The following NXPH2 variants were observed in gnomAD, a reference collection of about 807,000 sequenced individuals.
NXPH2 encodes neurexophilin 2.
In NXPH2, 5 loss-of-function variants were observed where a neutral mutation model predicts 19.8. The observed-to-expected ratio is 0.25, with a 90% CI of 0.13 to 0.53. NXPH2 has a LOEUF of 0.53. Among genes scored for constraint, NXPH2 ranks in the 20% least tolerant of loss-of-function variants. The pLI, the probability that NXPH2 is intolerant of heterozygous loss-of-function variation, is 0.96. For missense variants in NXPH2, 289 were observed against 322.8 expected, an observed-to-expected ratio of 0.90 and a Z score of 0.80; for synonymous variants, 154 against 127.4, an observed-to-expected ratio of 1.21 and a Z score of -1.41.
intron 1 of NXPH2, among the ~76,000 whole-genome samples, chr2:138,746,622 G>A (rs1347186463): frequency 6.6e-6 from 1 of 152,142 alleles, no homozygotes; most frequent in East Asian, 1.9e-4. Context: ...AATATTTCTT[G>A]TAAATGAAAT....
chr2:138,727,657 G>A (rs998811890), intron 1 of NXPH2, among the ~76,000 whole-genome samples: 5 of 130,450 alleles, frequency 3.8e-5, no homozygotes, highest in Admixed American at 2.4e-4. Flanking sequence ...TTATCGGTGC[G>A]GGGGGCGGTG....
chr2:138,760,927 G>A (rs1010457027), intron 1 of NXPH2, among the ~76,000 whole-genome samples: 1 of 152,136 alleles, frequency 6.6e-6, no homozygotes, highest in Non-Finnish European at 1.5e-5. Flanking sequence ...TAGAAAGTGA[G>A]CTCAGAGGAA....
intron 1 of NXPH2, among the ~76,000 whole-genome samples, chr2:138,722,745 C>T (rs552940265): frequency 5.9e-5 from 9 of 152,234 alleles, no homozygotes; most frequent in African/African-American, 2.2e-4. Flanking sequence ...TAGCATGTGC[C>T]GATGGATTGC....
chr2:138,697,067 T>C (rs1384843735), intron 1 of NXPH2, among the ~76,000 whole-genome samples: 1 of 152,054 alleles, frequency 6.6e-6, no homozygotes, highest in East Asian at 1.9e-4. Flanking sequence ...CTCAAAAAGA[T>C]CTCAGAAAAT....
intron 1 of NXPH2, among the ~76,000 whole-genome samples, chr2:138,744,002 C>CAAAAAAA (rs35072611): frequency 8.2e-5 from 7 of 85,754 alleles, no homozygotes; most frequent in Non-Finnish European, 1.1e-4. Flanking sequence ...GACTCCATCT[C>CAAAAAAA]AAAAAAAAAA....
intron 1 of NXPH2, among the ~76,000 whole-genome samples, chr2:138,673,756 G>C (rs563379845): frequency 6.6e-6 from 1 of 151,828 alleles, no homozygotes; most frequent in Admixed American, 6.6e-5. Flanking sequence ...GGGATTACAG[G>C]TATGAGTCAC....
intron 1 of NXPH2, among the ~76,000 whole-genome samples, chr2:138,677,844 A>G (rs1680506888): frequency 6.6e-6 from 1 of 152,214 alleles, no homozygotes; most frequent in Admixed American, 6.5e-5. Flanking sequence ...ATTTTAGTTT[A>G]CAGAAAAGCT....
intron 1 of NXPH2, among the ~76,000 whole-genome samples, chr2:138,680,425 A>G (rs1356732032): frequency 1.3e-5 from 2 of 152,166 alleles, no homozygotes; most frequent in African/African-American, 2.4e-5. Context: ...TTAAACACTT[A>G]TTTGACACAC....
In NXPH2 at chr2:138,714,299, C is replaced by T. The variant is rs1419527447; in HGVS notation, c.52-42634G>A. Among the ~76,000 whole-genome samples the T allele has an allele frequency of 3.3e-5, 5 of 152,064 alleles. No individual in the cohort carries two copies. In the East Asian group the frequency reaches 9.7e-4, roughly 29 times the overall value. ...AGTTATATTTTTGTATTTTTGGCTC[C>T]CTATTTAAAAAATAGTTATTTGTAT... On this transcript the variant is annotated intron_variant, in intron 1 of 1. Transcript: ENST00000272641.
At chr2:138,749,557 G>A (rs76909696) in intron 1 of NXPH2, among the ~76,000 whole-genome samples, 2,421 of 152,070 alleles carry the variant, frequency 0.016, 52 homozygotes, top group African/African-American at 0.055. Context: ...TTTAATACAC[G>A]TTCAAGAATT....
chr2:138,763,399 A>T (rs2104840214), intron 1 of NXPH2, among the ~76,000 whole-genome samples: 1 of 152,336 alleles, frequency 6.6e-6, no homozygotes, highest in South Asian at 2.1e-4. Flanking sequence ...CTCTAATTAT[A>T]AAAATACATT....
intron 1 of NXPH2, among the ~76,000 whole-genome samples, chr2:138,675,262 T>C (rs1475930686): frequency 6.6e-6 from 1 of 152,172 alleles, no homozygotes; most frequent in Non-Finnish European, 1.5e-5. Context: ...TGTTATATGT[T>C]TCCCTAAATT....
chr2:138,669,476 A>G lies in NXPH2; in HGVS notation c.*1446T>C, dbSNP rs1317576861. 6.6e-6 allele frequency among the ~76,000 whole-genome samples: 1 copy of G among 152,182 alleles called. No homozygotes were observed. Among genetic ancestry groups the G allele is most frequent in the African/African-American group, 2.4e-5 (1 of 41,464 alleles). ...AGATATTACCGGTAAAAGGAAAGAA[A>G]TGAAGATAGAGAACAGAGCTCTTGG... On this transcript the variant is annotated 3_prime_UTR_variant, in exon 2 of 2. Transcript: ENST00000272641.
intron 1 of NXPH2, among the ~76,000 whole-genome samples, chr2:138,736,680 G>A (rs1342873363): frequency 1.3e-5 from 2 of 152,190 alleles, no homozygotes; most frequent in African/African-American, 4.8e-5. Flanking sequence ...CAGCCAGCTT[G>A]AATCTCTCCT....
At chr2:138,709,186 G>A (rs977467633) in intron 1 of NXPH2, among the ~76,000 whole-genome samples, 2 of 151,944 alleles carry the variant, frequency 1.3e-5, no homozygotes, top group South Asian at 2.1e-4. Flanking sequence ...CACTCGAGAC[G>A]GTACAACAGC....
At chr2:138,753,233 A>G (rs371778564) in intron 1 of NXPH2, among the ~76,000 whole-genome samples, 2 of 152,298 alleles carry the variant, frequency 1.3e-5, no homozygotes, top group East Asian at 3.9e-4. Flanking sequence ...TTATAATCTA[A>G]TGTTAATTTA....
intron 1 of NXPH2, among the ~76,000 whole-genome samples, chr2:138,685,732 A>G (rs1320409504): frequency 2.0e-5 from 3 of 152,206 alleles, no homozygotes; most frequent in Non-Finnish European, 4.4e-5. Flanking sequence ...ACAAAGTTGA[A>G]AAATCTTAAG....
At chr2:138,689,244 A>C (rs936737705) in intron 1 of NXPH2, among the ~76,000 whole-genome samples, 1 of 152,208 alleles carries the variant, frequency 6.6e-6, no homozygotes, top group Non-Finnish European at 1.5e-5. Context: ...AACAAGGAAC[A>C]AAGTGAGAAG....
intron 1 of NXPH2, among the ~76,000 whole-genome samples, chr2:138,737,693 A>G (rs1681572665): frequency 6.6e-6 from 1 of 152,184 alleles, no homozygotes; most frequent in Admixed American, 6.5e-5. Context: ...TGGATTATCC[A>G]GAGTTGGATG....
Sources: gnomAD v4.1 joint callset for allele counts (sites outside exome capture counted in the v4.1 genomes callset) on GRCh38, gnomAD v4.1.1 for gene constraint, MANE v1.5 for transcripts, NCBI Gene and HGNC (gene_info 2026-07-23, HGNC 2026-07-21) for gene names.